The following CP variants were observed in gnomAD, a reference collection of about 807,000 sequenced individuals.
The protein encoded by CP is caeruloplasmin.
Under a neutral mutation model 122.4 loss-of-function variants are expected in CP, and 64 were observed. That is an observed-to-expected ratio of 0.52 (90% CI 0.43 to 0.64). The LOEUF (loss-of-function observed/expected upper bound fraction) is 0.64. CP is among the 30% of genes least tolerant of loss of function. The pLI is 0.00. For synonymous variants in CP, 440 were observed against 436.4 expected (o/e 1.01, Z -0.10); for missense variants, 1,167 against 1,284.4 (o/e 0.91, Z 1.40).
intron 9 of CP, among the ~76,000 whole-genome samples, chr3:149,189,946 G>A (rs1185620441): frequency 1.3e-5 from 2 of 152,126 alleles, no homozygotes; most frequent in African/African-American, 4.8e-5. Context: ...TAATGTCTGT[G>A]AGCATGCTGT....
downstream of CP, chr3:149,172,322 A>T (rs943620891): frequency 1.6e-4 from 87 of 542,818 alleles, no homozygotes; most frequent in Non-Finnish European, 2.4e-4. Context: ...TATATATCAC[A>T]CACACACACA....
Position 149,186,724 on chromosome 3 carries a change from C to T in CP, c.1873G>A (p.Gly625Arg). 6.2e-7 allele frequency: 1 copy of T among 1,613,418 alleles called. No individual in the cohort carries two copies. Among genetic ancestry groups the T allele is most frequent in the South Asian group, 1.1e-5 (1 of 91,064 alleles). ...CCCGGCTGATTCCCATACATGAATC[C>T]ATTCATGGCTGTAAAAGTTGGGAAA... ...QESNKMHSMN[G>R]FMYGNQPGLT... The change falls in exon 11 of 19, where the codon GGA becomes AGA. Residue 625 changes from glycine (G) to arginine (R), a missense_variant. Transcript: ENST00000264613.
Position 149,176,401 on chromosome 3 carries a change from A to C in CP, c.3030T>G (p.Val1010=). 1 of 1,609,914 alleles carries C rather than the reference A, an allele frequency of 6.2e-7. No homozygotes were observed. Among genetic ancestry groups the C allele is most frequent in the Non-Finnish European group, 8.5e-7 (1 of 1,176,194 alleles). Residue 1010 remains valine, a synonymous_variant, in exon 18 of 19, where the codon GTT becomes GTG. Coordinates refer to ENST00000264613, the MANE Select transcript of CP (RefSeq NM_000096.4). The part of the protein sequence containing the change: ...GHSFQYKHRG[V]YSSDVFDIFP... The stretch of plus-strand genomic sequence containing the variant: ...AAATGTCAAAGACATCAGAACTATA[A>C]ACTCCCCTGTGCTTAATTAGAAAAA...
chr3:149,221,162 G>A (rs1050832643), intron 1 of CP, among the ~76,000 whole-genome samples: 2 of 152,098 alleles, frequency 1.3e-5, no homozygotes, highest in African/African-American at 4.8e-5. Context: ...CTGAAGCTGT[G>A]AAAGATTAAC....
chr3:149,202,079 A>C, intron 7 of CP, 23 bp downstream of exon 7: 2 of 1,613,920 alleles, frequency 1.2e-6, no homozygotes, highest in Non-Finnish European at 1.7e-6. Flanking sequence ...TAAACCAGCC[A>C]TATATATTCT....
chr3:149,175,282 T>TAC (rs1205875977), intron 18 of CP, among the ~76,000 whole-genome samples: 1 of 152,178 alleles, frequency 6.6e-6, no homozygotes, highest in Non-Finnish European at 1.5e-5. Context: ...GCTTGTCTGT[T>TAC]AGAGTCTTTG....
At chr3:149,209,466 TA>T (rs1457202018) in intron 3 of CP, 82 bp from the exon 4 acceptor site, 1 of 1,379,794 alleles carries the variant, frequency 7.2e-7, no homozygotes, top group Non-Finnish European at 1.0e-6. Flanking sequence ...TTATAGTTTT[TA>T]AAAATGTTAG....
intron 5 of CP, among the ~76,000 whole-genome samples, chr3:149,165,246 A>C (rs1724300548): frequency 6.6e-6 from 1 of 152,202 alleles, no homozygotes; most frequent in Non-Finnish European, 1.5e-5. Flanking sequence ...TAGATCATAC[A>C]CACTAATTAC....
At chr3:149,190,286 G>A (rs1726457622) in intron 9 of CP, among the ~76,000 whole-genome samples, 1 of 152,110 alleles carries the variant, frequency 6.6e-6, no homozygotes, top group Non-Finnish European at 1.5e-5. Context: ...ATCATTATAT[G>A]CAATTAATGT....
intron 5 of CP, chr3:149,163,030 G>T: frequency 1.4e-6 from 1 of 702,538 alleles, no homozygotes; most frequent in Non-Finnish European, 2.4e-6. Flanking sequence ...CTTAAAATTT[G>T]TCTTTAACTG....
intron 8 of CP, among the ~76,000 whole-genome samples, chr3:149,199,389 T>G (rs1366950730): frequency 6.6e-6 from 1 of 152,210 alleles, no homozygotes. Context: ...TCAAATATTC[T>G]AAAGTGAACA....
At chr3:149,171,015 C>T (rs921127616), downstream of CP, among the ~76,000 whole-genome samples, 1 of 152,240 alleles carries the variant, frequency 6.6e-6, no homozygotes, top group African/African-American at 2.4e-5. Flanking sequence ...TGCGGTGGCT[C>T]ACGCCGGTAA....
At chr3:149,176,538 T>C in intron 17 of CP, 126 bp from the exon 18 acceptor site, 1 of 771,244 alleles carries the variant, frequency 1.3e-6, no homozygotes, top group Non-Finnish European at 2.1e-6. Context: ...ATCGAGCTCG[T>C]TTCTGTGTTT....
rs1726102501 is a variant in CP at position 149,185,455 on chromosome 3, G to A, written c.2078-9C>T. ...TTCAACATTAAAAGTCCCTGGAGTG[G>A]TAAATAAGAAAACATGTCACTTCTT... On this transcript the variant is annotated splice_polypyrimidine_tract_variant and intron_variant, in intron 11 of 18. Transcript: ENST00000264613. The A allele has an allele frequency of 1.9e-6, 3 of 1,613,872 alleles. No individual in the cohort carries two copies. The highest frequency in any genetic ancestry group is 2.7e-5 in the African/African-American group (2 of 75,038).
At position 149,183,504 on chromosome 3, in the gene CP, A is replaced by G. The variant is rs2108230108; in HGVS notation, c.2387T>C (p.Val796Ala). ...ATGTTCTTCTTCAGCTTTTCTCTCCACTGGAACACGGAATGTGCTATCAGT... is the reference window on the plus strand; with the variant it reads ...ATGTTCTTCTTCAGCTTTTCTCTCCGCTGGAACACGGAATGTGCTATCAGT... ...QYTDSTFRVP[V>A]ERKAEEEHLG... The change falls in exon 13 of 19, where the codon GTG (valine) becomes GCG (alanine). Residue 796 changes from valine (V) to alanine (A), a missense_variant. By Grantham distance (64) the Val-to-Ala change is moderately conservative. Around this residue, in one of 2 missense-constraint regions of CP, gnomAD observed 525 missense variants for 657.2 expected, o/e 0.80. Coordinates refer to ENST00000264613, the MANE Select transcript of CP (RefSeq NM_000096.4). The G allele has an allele frequency of 6.2e-7, 1 of 1,611,778 alleles. No individual in the cohort carries two copies. Among genetic ancestry groups the G allele is most frequent in the Non-Finnish European group, 8.5e-7 (1 of 1,179,776 alleles).
At position 149,213,601 on chromosome 3, in the gene CP, C is replaced by G. The variant is rs1222889560; in HGVS notation, c.147-903G>C. Among the ~76,000 whole-genome samples the G allele has an allele frequency of 2.6e-5, 4 of 150,958 alleles. No individual in the cohort carries two copies. In the East Asian group the frequency reaches 7.8e-4, roughly 29 times the overall value. On this transcript the variant is annotated intron_variant, in intron 1 of 18. Transcript: ENST00000264613. ...AAGCCCCTCCACAACCAAGGCTCTT[C>G]CATTTGAATAAAAACTGCTCATCAT... is the stretch of plus-strand genomic sequence containing the variant.
chr3:149,163,030 G>A (rs1724046647), intron 5 of CP: 2 of 702,420 alleles, frequency 2.8e-6, no homozygotes, highest in Non-Finnish European at 4.9e-6. Flanking sequence ...CTTAAAATTT[G>A]TCTTTAACTG....
At chr3:149,204,398 T>G (rs547907138) in intron 6 of CP, among the ~76,000 whole-genome samples, 7 of 152,288 alleles carry the variant, frequency 4.6e-5, no homozygotes, top group African/African-American at 1.4e-4. Context: ...TAGACAGCCT[T>G]CAGAGATAGT....
intron 5 of CP, among the ~76,000 whole-genome samples, chr3:149,206,702 GAGGAGGAGGTACA>G (rs918502733): frequency 7.2e-5 from 11 of 152,118 alleles, no homozygotes; most frequent in Non-Finnish European, 1.5e-4. Context: ...GCATTGGGTG[GAGGAGGAGGTACA>G]AGGAGGAGGT....
Sources: gnomAD v4.1 joint callset for allele counts (sites outside exome capture counted in the v4.1 genomes callset) on GRCh38, gnomAD v4.1.1 for gene constraint, gnomAD v4.1.1 regional missense constraint, MANE v1.5 for transcripts, NCBI Gene and HGNC (gene_info 2026-07-23, HGNC 2026-07-21) for gene names.